The following TJAP1 variants were observed in gnomAD, a reference collection of about 807,000 sequenced individuals.
TJAP1 encodes tight junction associated protein 1.
TJAP1 carries 27 observed loss-of-function variants against 42.0 expected under a neutral mutation model. That is an observed-to-expected ratio of 0.64 (90% CI 0.47 to 0.89). The LOEUF (loss-of-function observed/expected upper bound fraction) is 0.89, where lower values mean the gene tolerates loss of function less well. Among genes scored for constraint, TJAP1 ranks in the 40% least tolerant of loss-of-function variants. The pLI is 0.00. For synonymous variants in TJAP1, 257 were observed against 288.4 expected (o/e 0.89, Z 1.10); for missense variants, 712 against 726.9 (o/e 0.98, Z 0.24).
At chr6:43,493,244 C>G (rs1788228550) in intron 2 of TJAP1, among the ~76,000 whole-genome samples, 1 of 152,192 alleles carries the variant, frequency 6.6e-6, no homozygotes, top group South Asian at 2.1e-4. Flanking sequence ...TGTTCATTGA[C>G]TCCTTAAGGT....
At position 43,505,259 on chromosome 6, in the gene TJAP1, C is replaced by G; in HGVS notation, c.1078C>G (p.Leu360Val). ...TTACGCTACCCGCCAGGCCATTTCC[C>G]TGAGCCTGGTAGAGGAGGGGAGTGA... The change falls in exon 11 of 11, where the codon CTG becomes GTG. Residue 360 changes from leucine to valine, a missense_variant. Transcript: ENST00000372449. The surrounding 1 kb of genome is among the most constrained non-coding windows in gnomAD (Gnocchi z 5.5). 3.1e-6 allele frequency: 5 copies of G among 1,614,000 alleles called. No individual in the cohort carries two copies. The highest frequency in any genetic ancestry group is 2.5e-6 in the Non-Finnish European group (3 of 1,179,968).
intron 2 of TJAP1, among the ~76,000 whole-genome samples, chr6:43,496,700 G>A (rs1789247374): frequency 6.8e-6 from 1 of 147,192 alleles, no homozygotes; most frequent in Non-Finnish European, 1.5e-5. Context: ...GGCATGTCCC[G>A]ACAGTGGGAA....
At chr6:43,477,792 C>T (rs531470780) in intron 1 of TJAP1, among the ~76,000 whole-genome samples, 164 bp downstream of exon 1, 1 of 148,170 alleles carries the variant, frequency 6.7e-6, no homozygotes, top group African/African-American at 2.5e-5. Flanking sequence ...GGAGCTGGGG[C>T]GGACCGGGGC....
intron 2 of TJAP1, among the ~76,000 whole-genome samples, chr6:43,484,447 G>A (rs1021593835): frequency 1.3e-5 from 2 of 152,126 alleles, no homozygotes; most frequent in Non-Finnish European, 2.9e-5. Flanking sequence ...GCACAAGAGC[G>A]AGACTTCATC....
chr6:43,502,280 C>A lies in TJAP1; in HGVS notation c.291-3C>A, dbSNP rs769722582. Reference sequence around the variant, plus strand: ...GGATGTGCCTTGTATTATCCCTTTTCAGGCTGCAGAACAGCTACACGGCTT... The same window carrying A: ...GGATGTGCCTTGTATTATCCCTTTTAAGGCTGCAGAACAGCTACACGGCTT... On this transcript the variant is annotated splice_region_variant and splice_polypyrimidine_tract_variant and intron_variant, in intron 6 of 10. Coordinates refer to ENST00000372449, the Ensembl canonical transcript of TJAP1. 1 of 1,613,968 alleles carries A rather than the reference C, an allele frequency of 6.2e-7. No homozygotes were observed. The highest frequency in any genetic ancestry group is 8.5e-7 in the Non-Finnish European group (1 of 1,179,992).
In TJAP1 at chr6:43,487,254, C is replaced by T. The variant is rs115555093; in HGVS notation, c.-122+9022C>T. Among the ~76,000 whole-genome samples the T allele has an allele frequency of 5.0e-3, 755 of 152,232 alleles. 5 individuals carry two copies. Among genetic ancestry groups the T allele is most frequent in the African/African-American group, 0.016 (682 of 41,538 alleles). ...ATCCCTTGAGAGGAGGATCCGCCTA[C>T]GGAGAAGCCATCCTAGACCCCAAAA... On this transcript the variant is annotated intron_variant, in intron 2 of 10. Coordinates refer to ENST00000372449, the Ensembl canonical transcript of TJAP1.
At chr6:43,501,019 C>T (rs1790398020) in intron 5 of TJAP1, 1 of 542,188 alleles carries the variant, frequency 1.8e-6, no homozygotes, top group Non-Finnish European at 3.3e-6. Context: ...GGGCCCTGCT[C>T]TTCTTGCTAA....
At chr6:43,494,265 G>A (rs1392109670) in intron 2 of TJAP1, among the ~76,000 whole-genome samples, 2 of 152,196 alleles carry the variant, frequency 1.3e-5, no homozygotes, top group African/African-American at 4.8e-5. Context: ...ACTGATTTTT[G>A]AGTAAGCAAA....
chr6:43,500,896 TTTTAGGGACTCTGGGAGGAGTGTTGATG>T, intron 5 of TJAP1, 124 bp downstream of exon 5: 1 of 1,121,774 alleles, frequency 8.9e-7, no homozygotes, highest in Non-Finnish European at 1.4e-6. Flanking sequence ...GGATGGGTTG[TTTTAGGGACTCTGGGAGGAGTGTTGATG>T]TTGTGGATAT....
At position 43,505,373 on chromosome 6, in the gene TJAP1, A is replaced by C; in HGVS notation, c.1192A>C (p.Ser398Arg). The C allele has an allele frequency of 6.2e-7, 1 of 1,610,038 alleles. No individual in the cohort carries two copies. The highest frequency in any genetic ancestry group is 8.5e-7 in the Non-Finnish European group (1 of 1,179,658). ...GCCCAGCCCAGCACCCCTAACACTCAGTGCCCCAGCTAGCTCTGCCAGCTC... is the reference window on the plus strand; with the variant it reads ...GCCCAGCCCAGCACCCCTAACACTCCGTGCCCCAGCTAGCTCTGCCAGCTC... Residue 398 changes from serine to arginine, a missense_variant, in exon 11 of 11, where the codon AGT becomes CGT. This residue lies in a region of TJAP1 where 549 missense variants were observed against 528.2 expected (regional missense o/e 1.04). Transcript: ENST00000372449. This position sits in a 1 kb window ranked among gnomAD's most constrained non-coding sequence, Gnocchi z 5.5.
At chr6:43,496,226 T>C (rs1034589582) in intron 2 of TJAP1, among the ~76,000 whole-genome samples, 1 of 152,060 alleles carries the variant, frequency 6.6e-6, no homozygotes, top group African/African-American at 2.4e-5. Context: ...CCATACCCTG[T>C]TTTCCAACTC....
At chr6:43,503,101 A>G (rs1233905859) in intron 8 of TJAP1, 2 of 485,124 alleles carry the variant, frequency 4.1e-6, no homozygotes, top group African/African-American at 1.9e-5. Context: ...TTGAGGTACC[A>G]GCTGCCTTGC....
rs772444884 is a variant in TJAP1 at position 43,505,296 on chromosome 6, C to T, written c.1115C>T (p.Pro372Leu). ...GAGGAGGGGAGTGAGCGGGCCCGCC[C>T]CAGCCCAGTGCCCAGCACCCCTGCC... Residue 372 changes from proline (P) to leucine (L), a missense_variant, in exon 11 of 11, where the codon CCC becomes CTC. Coordinates refer to ENST00000372449, the Ensembl canonical transcript of TJAP1. This position sits in a 1 kb window ranked among gnomAD's most constrained non-coding sequence, Gnocchi z 5.5. 1.7e-5 allele frequency: 28 copies of T among 1,611,864 alleles called. No individual in the cohort carries two copies. In the Admixed American group the frequency reaches 4.5e-4, roughly 26 times the overall value.
At chr6:43,498,027 G>GGGGCAGGTGAGGGGGC in intron 3 of TJAP1, 50 bp downstream of exon 3, 1 of 152,214 alleles carries the variant, frequency 6.6e-6, no homozygotes. Context: ...CTTCTGGGGA[G>GGGGCAGGTGAGGGGGC]GGGCAGGTGA....
intron 6 of TJAP1, 146 bp from the exon 7 acceptor site, chr6:43,502,137 T>A (rs771116409): frequency 3.0e-6 from 2 of 658,000 alleles, no homozygotes; most frequent in Non-Finnish European, 5.2e-6. Flanking sequence ...AGCTGGAAGA[T>A]GCCTTAGAGA....
In TJAP1 at chr6:43,499,122, G is replaced by A. The variant is rs200101072; in HGVS notation, c.99+22G>A. ...GGAGGTCAGCAAGACTGGTATCACA[G>A]CCTGACCGGCAGAGGCAAGGCCCCT... On this transcript the variant is annotated intron_variant, in intron 4 of 10. Transcript: ENST00000372449. 1.4e-5 allele frequency: 23 copies of A among 1,612,264 alleles called. No homozygotes were observed. In the African/African-American group the frequency reaches 2.9e-4, roughly 21 times the overall value.
Position 43,502,076 on chromosome 6 carries a change from A to ACACACTCTCTCTCTCTCT in TJAP1, c.291-206_291-205insACACTCTCTCTCTCTCTC, listed in dbSNP as rs767085594. ...CACACACACACACACACACACACAC[A>ACACACTCTCTCTCTCTCT]CTCTCTCTCTCTCTCTCTCTCTCTC... On this transcript the variant is annotated intron_variant, in intron 6 of 10. Coordinates refer to ENST00000372449, the Ensembl canonical transcript of TJAP1. Among the ~76,000 whole-genome samples the ACACACTCTCTCTCTCTCT allele has an allele frequency of 1.8e-3, 123 of 68,956 alleles. 10 individuals carry two copies. The highest frequency in any genetic ancestry group is 8.0e-3 in the African/African-American group (105 of 13,116). 45.2% of individuals were successfully genotyped at this position (68,956 alleles called of 152,430 possible). A position where few individuals can be genotyped will look rare whatever the true frequency, so the allele number is the denominator to read the frequency against.
rs2127666665 is a variant in TJAP1, at chr6:43,505,274, G to A, written c.1093G>A (p.Glu365Lys). The A allele has an allele frequency of 3.7e-6, 6 of 1,613,500 alleles. No homozygotes were observed. Among genetic ancestry groups the A allele is most frequent in the Non-Finnish European group, 5.1e-6 (6 of 1,179,916 alleles). ...GGCCATTTCCCTGAGCCTGGTAGAG[G>A]AGGGGAGTGAGCGGGCCCGCCCCAG... is the stretch of plus-strand genomic sequence containing the variant. Residue 365 changes from glutamate (E) to lysine (K), a missense_variant, in exon 11 of 11, where the codon GAG becomes AAG. Physicochemically the swap from Glu to Lys is moderately conservative, Grantham distance 56. Coordinates refer to ENST00000372449, the Ensembl canonical transcript of TJAP1. The surrounding 1 kb of genome is among the most constrained non-coding windows in gnomAD (Gnocchi z 5.5).
chr6:43,489,048 T>A (rs1397414997), intron 2 of TJAP1, among the ~76,000 whole-genome samples: 1 of 152,208 alleles, frequency 6.6e-6, no homozygotes, highest in Non-Finnish European at 1.5e-5. Flanking sequence ...GTCTTTTCCC[T>A]GCCAACATCT....
Sources: gnomAD v4.1 joint callset for allele counts (sites outside exome capture counted in the v4.1 genomes callset) on GRCh38, gnomAD v4.1.1 for gene constraint, gnomAD v4.1.1 regional missense constraint, Gnocchi (gnomAD v3.1) non-coding constraint, MANE v1.5 for transcripts, NCBI Gene and HGNC (gene_info 2026-07-23, HGNC 2026-07-21) for gene names.